NPHP3: variants seen among roughly 807,000 people sequenced by gnomAD.
NPHP3 encodes nephrocystin 3.
Under a neutral mutation model 171.9 loss-of-function variants are expected in NPHP3, and 123 were observed. The observed-to-expected ratio is 0.72, with a 90% CI of 0.62 to 0.83. The LOEUF (loss-of-function observed/expected upper bound fraction) is 0.83. Among genes scored for constraint, NPHP3 ranks in the 40% least tolerant of loss-of-function variants. NPHP3 has a pLI of 0.00. For missense variants in NPHP3, 1,506 were observed against 1,591.9 expected (o/e 0.95, Z 0.92); for synonymous variants, 558 against 579.2 (o/e 0.96, Z 0.52).
rs555667599 is a variant in NPHP3 at position 132,708,815 on chromosome 3, G to A, written c.1119-558C>T. ...AGAAATCTCTTACAATGAAACATAGGAGCTAAAATATGGCATGTCCAGGAG... is the reference window on the plus strand; with the variant it reads ...AGAAATCTCTTACAATGAAACATAGAAGCTAAAATATGGCATGTCCAGGAG... On this transcript the variant is annotated intron_variant, in intron 6 of 26. Transcript: ENST00000337331. 2.2e-4 allele frequency among the ~76,000 whole-genome samples: 34 copies of A among 152,232 alleles called. 1 individual carries two copies. The South Asian group carries it at 7.0e-3, about 32-fold the overall frequency.
Position 132,681,806 on chromosome 3 carries a change from G to T in NPHP3, c.*104C>A. 1.0e-6 allele frequency: 1 copy of T among 988,170 alleles called. No homozygotes were observed. The highest frequency in any genetic ancestry group is 1.6e-6 in the Non-Finnish European group (1 of 628,350). 61.2% of individuals were successfully genotyped at this position (988,170 alleles called of 1,614,324 possible). On this transcript the variant is annotated 3_prime_UTR_variant, in exon 27 of 27. Transcript: ENST00000337331. The stretch of plus-strand genomic sequence containing the variant: ...ACAAATAGCAGTTAAATCACACGTA[G>T]TAAAATTTCGTACAACATTTTTTTA...
At chr3:132,686,483 T>C in intron 22 of NPHP3, 96 bp from the exon 23 acceptor site, 2 of 1,368,344 alleles carry the variant, frequency 1.5e-6, no homozygotes, top group Non-Finnish European at 2.1e-6. Flanking sequence ...CTTCCTTTTT[T>C]CCCATTTAAT....
At chr3:132,710,020 A>C (rs898997034) in intron 6 of NPHP3, among the ~76,000 whole-genome samples, 2 of 152,206 alleles carry the variant, frequency 1.3e-5, no homozygotes, top group African/African-American at 4.8e-5. Flanking sequence ...ATAAAATGGT[A>C]TGATCTCTGG....
intron 23 of NPHP3, chr3:132,685,188 T>C (rs1939125460): frequency 4.5e-6 from 1 of 221,990 alleles, no homozygotes; most frequent in Non-Finnish European, 9.1e-6. Context: ...TGTGTGCGTG[T>C]GTGTAACCTT....
chr3:132,703,463 C>T (rs1024980132), intron 9 of NPHP3, among the ~76,000 whole-genome samples: 1 of 151,894 alleles, frequency 6.6e-6, no homozygotes, highest in African/African-American at 2.4e-5. Context: ...TAAAGAAGGA[C>T]TTATCTGCCT....
At chr3:132,699,316 T>C (rs1939541948) in intron 13 of NPHP3, 37 bp downstream of exon 13, 1 of 1,387,062 alleles carries the variant, frequency 7.2e-7, no homozygotes. Flanking sequence ...CTTAAAACAT[T>C]TCATGTACTC....
At chr3:132,690,353 C>G (rs1939267774) in intron 19 of NPHP3, among the ~76,000 whole-genome samples, 175 bp downstream of exon 19, 1 of 152,164 alleles carries the variant, frequency 6.6e-6, no homozygotes, top group South Asian at 2.1e-4. Context: ...ATGTTTTCCT[C>G]TTGGGAAAAG....
At chr3:132,708,826 T>C (rs1316912190) in intron 6 of NPHP3, among the ~76,000 whole-genome samples, 2 of 152,126 alleles carry the variant, frequency 1.3e-5, no homozygotes, top group Non-Finnish European at 2.9e-5. Flanking sequence ...AGCTAAAATA[T>C]GGCATGTCCA....
In NPHP3 at chr3:132,681,871, G is replaced by A; in HGVS notation, c.*39C>T. ...AATGTTCCAAATGTTTAATTATTTTGTCTTAAGGTACATTTGCAAAGAATT... is the reference window on the plus strand; with the variant it reads ...AATGTTCCAAATGTTTAATTATTTTATCTTAAGGTACATTTGCAAAGAATT... On this transcript the variant is annotated 3_prime_UTR_variant, in exon 27 of 27. Coordinates refer to ENST00000337331, the MANE Select transcript of NPHP3 (RefSeq NM_153240.5). The A allele has an allele frequency of 1.3e-6, 2 of 1,539,588 alleles. No homozygotes were observed. The highest frequency in any genetic ancestry group is 1.8e-6 in the Non-Finnish European group (2 of 1,112,360).
rs747055547 is a variant in NPHP3 at position 132,722,201 on chromosome 3, G to A, written c.155C>T (p.Ala52Val). The change falls in exon 1 of 27, where the codon GCA (alanine) becomes GTA (valine). Residue 52 changes from alanine (A) to valine (V), a missense_variant. Coordinates refer to ENST00000337331, the MANE Select transcript of NPHP3 (RefSeq NM_153240.5). ...RNSFRRGAGA[A>V]AGAGPGSLPR... ...CAGCGACCCGGGCCCGGCCCCTGCT[G>A]CCGCCCCCGCGCCTCGGCGGAACGA... 6 of 1,509,692 alleles carry A rather than the reference G, an allele frequency of 4.0e-6. No individual in the cohort carries two copies. The African/African-American group carries it at 5.7e-5, about 14-fold the overall frequency. The allele number at this position is 1,509,692 out of a possible 1,614,324, so 93.5% of individuals were successfully genotyped here.
intron 10 of NPHP3, 59 bp downstream of exon 10, chr3:132,701,371 T>C (rs1179302070): frequency 1.6e-5 from 19 of 1,194,168 alleles, no homozygotes; most frequent in Non-Finnish European, 2.2e-5. Context: ...ATACATTTTG[T>C]TGAATAGATT....
At position 132,708,253 on chromosome 3, in the gene NPHP3, A is replaced by C; in HGVS notation, c.1123T>G (p.Leu375Val). 2 of 1,613,912 alleles carry C rather than the reference A, an allele frequency of 1.2e-6. No individual in the cohort carries two copies. The highest frequency in any genetic ancestry group is 1.7e-6 in the Non-Finnish European group (2 of 1,179,936). Reference sequence around the variant, plus strand: ...AAAGCTTCTTCACAGTCTTCCAATAAAAGGCTAGATTGGAAATCAGCATTT... The same window carrying C: ...AAAGCTTCTTCACAGTCTTCCAATACAAGGCTAGATTGGAAATCAGCATTT... ...LFIHLTLPSL[L>V]LEDCEEAFLK... Residue 375 changes from leucine (L) to valine (V), a missense_variant, in exon 7 of 27, where the codon TTA becomes GTA. Physicochemically the swap from Leu to Val is conservative, Grantham distance 32 (BLOSUM62 1). Around this residue, in one of 3 missense-constraint regions of NPHP3, gnomAD observed 930 missense variants for 924.9 expected, o/e 1.01. Transcript: ENST00000337331.
chr3:132,707,714 C>T (rs1939791460), intron 7 of NPHP3, among the ~76,000 whole-genome samples: 1 of 152,104 alleles, frequency 6.6e-6, no homozygotes, highest in Non-Finnish European at 1.5e-5. Context: ...CTACCACCAC[C>T]CTGCTTGGAG....
chr3:132,687,431 T>C (rs543345298), intron 21 of NPHP3, among the ~76,000 whole-genome samples: 1 of 152,320 alleles, frequency 6.6e-6, no homozygotes, highest in Non-Finnish European at 1.5e-5. Context: ...TATCTTAGTC[T>C]ATCATGGATG....
chr3:132,721,775 C>T (rs1033062316), intron 1 of NPHP3, 188 bp downstream of exon 1: 15 of 810,144 alleles, frequency 1.9e-5, no homozygotes, highest in Admixed American at 8.0e-5. Context: ...CAGCGAGACC[C>T]TGTCTCCAAA....
At chr3:132,719,673 T>G (rs1326168667) in intron 2 of NPHP3, 32 bp downstream of exon 2, 2 of 1,445,344 alleles carry the variant, frequency 1.4e-6, no homozygotes, top group Non-Finnish European at 1.9e-6. Context: ...TTATTCTATG[T>G]TGCTTTGGGG....
chr3:132,693,709 TA>T (rs1032618800), intron 16 of NPHP3: 1 of 151,886 alleles, frequency 6.6e-6, no homozygotes, highest in African/African-American at 2.4e-5. Flanking sequence ...CCATCTCTAC[TA>T]AAAATACAAA....
At chr3:132,686,492 A>G in intron 22 of NPHP3, 105 bp from the exon 23 acceptor site, 1 of 1,280,382 alleles carries the variant, frequency 7.8e-7, no homozygotes. Flanking sequence ...TTCCCATTTA[A>G]TCTAGATAAC....
Position 132,713,355 on chromosome 3 carries a change from T to TTAAAA in NPHP3, c.958-74_958-70dup, listed in dbSNP as rs1210830965. ...AAAGATCAAGTGAGATTCATACTAC[T>TTAAAA]TAAAATAAAAAGCACGCTTTAAAAC... On this transcript the variant is annotated intron_variant, in intron 5 of 26. Transcript: ENST00000337331. 1.0e-5 allele frequency: 11 copies of TTAAAA among 1,083,380 alleles called. No homozygotes were observed. The Admixed American group carries it at 2.4e-4, about 24-fold the overall frequency. 67.1% of individuals were successfully genotyped at this position (1,083,380 alleles called of 1,614,324 possible).
Sources: allele counts gnomAD v4.1 joint callset (sites outside exome capture counted in the v4.1 genomes callset), GRCh38; gene constraint gnomAD v4.1.1; regional missense constraint gnomAD v4.1.1; transcripts MANE v1.5; gene names NCBI Gene and HGNC (gene_info 2026-07-23, HGNC 2026-07-21).